Variants in SND1 observed in about 807,000 individuals in gnomAD.
SND1 encodes staphylococcal nuclease domain-containing protein 1.
In SND1, 38 loss-of-function variants were observed where a neutral mutation model predicts 121.7. That is an observed-to-expected ratio of 0.31 (90% CI 0.24 to 0.41). The LOEUF is 0.41. SND1 is among the 10% of genes least tolerant of loss of function. The pLI is 1.00. For missense variants in SND1, 868 were observed against 1,184.6 expected, an observed-to-expected ratio of 0.73 and a Z score of 3.92; for synonymous variants, 401 against 447.4, an observed-to-expected ratio of 0.90 and a Z score of 1.31.
chr7:127,670,967 G>A (rs565292854), intron 1 of SND1, among the ~76,000 whole-genome samples: 61 of 152,294 alleles, frequency 4.0e-4, no homozygotes, highest in African/African-American at 1.2e-3. Context: ...ATTTGAAAGC[G>A]TCTACCATTT....
At chr7:127,687,901 C>T (rs1400279394) in intron 2 of SND1, among the ~76,000 whole-genome samples, 1 of 151,738 alleles carries the variant, frequency 6.6e-6, no homozygotes, top group Non-Finnish European at 1.5e-5. Flanking sequence ...CTAGTTTGCC[C>T]AGCCTTGAGT....
At chr7:127,873,187 C>T (rs905552026) in intron 12 of SND1, among the ~76,000 whole-genome samples, 1 of 152,102 alleles carries the variant, frequency 6.6e-6, no homozygotes, top group African/African-American at 2.4e-5. Context: ...TTTTTCTGAG[C>T]AGGGTGACTG....
intron 10 of SND1, among the ~76,000 whole-genome samples, chr7:127,749,094 T>G (rs895563768): frequency 7.0e-6 from 1 of 142,350 alleles, no homozygotes; most frequent in Admixed American, 7.5e-5. Flanking sequence ...ACCCAGGTAG[T>G]GCAATCATGG....
At chr7:127,735,874 C>T (rs1796768112) in intron 10 of SND1, among the ~76,000 whole-genome samples, 1 of 152,170 alleles carries the variant, frequency 6.6e-6, no homozygotes, top group Non-Finnish European at 1.5e-5. Flanking sequence ...TGATCCCCCG[C>T]CCGCCCCAGC....
intron 9 of SND1, among the ~76,000 whole-genome samples, chr7:127,708,235 T>G (rs1276943644): frequency 6.6e-6 from 1 of 152,192 alleles, no homozygotes; most frequent in Non-Finnish European, 1.5e-5. Context: ...CTATGATGTT[T>G]GGTAGGTTAG....
At chr7:128,076,581 T>C (rs1255960279) in intron 17 of SND1, among the ~76,000 whole-genome samples, 1 of 152,136 alleles carries the variant, frequency 6.6e-6, no homozygotes, top group African/African-American at 2.4e-5. Context: ...GAGCATCTGG[T>C]GGCCGGCTGG....
chr7:127,971,805 C>T (rs186548938), intron 15 of SND1, among the ~76,000 whole-genome samples: 1,575 of 148,020 alleles, frequency 0.011, 16 homozygotes, highest in Non-Finnish European at 0.017. Context: ...CGGAGTCTCA[C>T]TCTGTCGCCC....
chr7:128,086,792 G>A, intron 20 of SND1, 146 bp from the exon 21 acceptor site: 1 of 711,444 alleles, frequency 1.4e-6, no homozygotes. Flanking sequence ...GGGAGCCTTT[G>A]TACATTGCAA....
At chr7:127,857,914 C>T (rs956167325) in intron 12 of SND1, 24 of 1,382,100 alleles carry the variant, frequency 1.7e-5, no homozygotes, top group South Asian at 2.3e-5. Flanking sequence ...GTCCAGCTTC[C>T]GGCAGTAAAC....
At chr7:127,945,334 T>TA (rs1801305080) in intron 15 of SND1, among the ~76,000 whole-genome samples, 1 of 151,780 alleles carries the variant, frequency 6.6e-6, no homozygotes, top group Non-Finnish European at 1.5e-5. Context: ...CTACTAAAAA[T>TA]AAAAAAATTA....
intron 16 of SND1, among the ~76,000 whole-genome samples, chr7:128,036,897 A>G (rs183867404): frequency 5.3e-4 from 80 of 152,348 alleles, no homozygotes; most frequent in Non-Finnish European, 9.0e-4. Context: ...TTGCCTGTGT[A>G]TAGCAGTAAT....
intron 11 of SND1, among the ~76,000 whole-genome samples, chr7:127,818,521 A>G (rs1406335270): frequency 2.6e-5 from 4 of 152,194 alleles, no homozygotes; most frequent in Non-Finnish European, 5.9e-5. Flanking sequence ...TGCTGTTCCC[A>G]TCTCCCTCTC....
At chr7:127,716,492 G>GTTT (rs975682366) in intron 9 of SND1, among the ~76,000 whole-genome samples, 2 of 140,558 alleles carry the variant, frequency 1.4e-5, no homozygotes, top group African/African-American at 5.2e-5. Flanking sequence ...ATTTTCTTAG[G>GTTT]TTTTTTTTTT....
intron 1 of SND1, among the ~76,000 whole-genome samples, chr7:127,677,644 C>G (rs1436475716): frequency 2.0e-5 from 3 of 152,202 alleles, no homozygotes; most frequent in African/African-American, 7.2e-5. Context: ...CTCTGCTGTT[C>G]TAGTGCAAAA....
intron 16 of SND1, among the ~76,000 whole-genome samples, chr7:128,051,872 G>A (rs1275949709): frequency 1.3e-5 from 2 of 152,252 alleles, no homozygotes; most frequent in Non-Finnish European, 2.9e-5. Flanking sequence ...TCTGAGCTAA[G>A]TGATACTTGG....
At chr7:127,864,107 A>C (rs912289677) in intron 12 of SND1, among the ~76,000 whole-genome samples, 2 of 151,866 alleles carry the variant, frequency 1.3e-5, no homozygotes, top group African/African-American at 2.4e-5. Context: ...GTTATAAATA[A>C]ATACTTTATT....
chr7:127,692,110 T>A (rs1795929110), intron 2 of SND1, among the ~76,000 whole-genome samples: 1 of 152,136 alleles, frequency 6.6e-6, no homozygotes, highest in South Asian at 2.1e-4. Flanking sequence ...GGACAAAAAG[T>A]ATTGAATGTT....
chr7:127,903,724 T>C (rs1441901665), intron 13 of SND1, among the ~76,000 whole-genome samples: 1 of 152,176 alleles, frequency 6.6e-6, no homozygotes, highest in African/African-American at 2.4e-5. Flanking sequence ...TGCAGAAGTG[T>C]GTCCTCTACC....
intron 20 of SND1, chr7:128,086,368 C>G (rs1310755328): frequency 2.3e-5 from 4 of 177,280 alleles, no homozygotes; most frequent in African/African-American, 9.6e-5. Context: ...GTCTGCGTAC[C>G]TCCCATGCCT....
Sources: gnomAD v4.1 joint callset for allele counts (sites outside exome capture counted in the v4.1 genomes callset) on GRCh38, gnomAD v4.1.1 for gene constraint, MANE v1.5 for transcripts, NCBI Gene and HGNC (gene_info 2026-07-23, HGNC 2026-07-21) for gene names.